ADAMTSL1: variants seen among roughly 807,000 people sequenced by gnomAD.
ADAMTSL1 encodes the protein ADAMTS like 1, also known as ADAMTS-like protein 1.
ADAMTSL1 carries 126 observed loss-of-function variants against 201.8 expected under a neutral mutation model. The ratio of observed to expected loss-of-function variants is 0.62; its 90% CI spans 0.54 to 0.72. ADAMTSL1 has a LOEUF of 0.72. ADAMTSL1 is among the 30% of genes least tolerant of loss of function. The probability of loss-of-function intolerance (pLI) is 0.00; values close to 1 mark genes in which losing one functional copy is unlikely to be tolerated. For missense variants in ADAMTSL1, 2,679 were observed against 2,277.8 expected (o/e 1.18, Z -3.59); for synonymous variants, 1,121 against 903.4 (o/e 1.24, Z -4.32).
At chr9:18,217,948 G>C (rs865886600) in intron 2 of ADAMTSL1, among the ~76,000 whole-genome samples, 1 of 151,912 alleles carries the variant, frequency 6.6e-6, no homozygotes, top group Admixed American at 6.6e-5. Flanking sequence ...AATTGCCAAC[G>C]GCTGGAATTT....
chr9:18,239,929 T>C (rs916314499), intron 2 of ADAMTSL1, among the ~76,000 whole-genome samples: 15 of 152,200 alleles, frequency 9.9e-5, no homozygotes, highest in African/African-American at 3.1e-4. Context: ...TCTAGTTCTC[T>C]TACTATTTTT....
intron 1 of ADAMTSL1, among the ~76,000 whole-genome samples, chr9:18,043,487 G>T (rs1294996168): frequency 6.6e-6 from 1 of 152,034 alleles, no homozygotes; most frequent in Non-Finnish European, 1.5e-5. Context: ...TTAGCTTGGT[G>T]CACAAGTTAT....
chr9:18,674,446 A>G (rs893759344), intron 9 of ADAMTSL1, among the ~76,000 whole-genome samples: 2 of 151,862 alleles, frequency 1.3e-5, no homozygotes, highest in Non-Finnish European at 2.9e-5. Context: ...TTCTTCAGAA[A>G]CTATGCAGGC....
chr9:18,711,970 C>A (rs1435894613), intron 14 of ADAMTSL1, among the ~76,000 whole-genome samples: 1 of 151,400 alleles, frequency 6.6e-6, no homozygotes, highest in Non-Finnish European at 1.5e-5. Flanking sequence ...CTGGGAGGCA[C>A]CCCCCAGCAG....
intron 1 of ADAMTSL1, among the ~76,000 whole-genome samples, chr9:17,965,880 G>A (rs1434129343): frequency 1.3e-5 from 2 of 152,118 alleles, no homozygotes; most frequent in Non-Finnish European, 1.5e-5. Flanking sequence ...CAGAAGTAAA[G>A]CCAGGCAGCT....
intron 2 of ADAMTSL1, among the ~76,000 whole-genome samples, chr9:18,411,039 AT>A (rs1818418394): frequency 4.1e-5 from 6 of 147,016 alleles, no homozygotes. Flanking sequence ...TTTTTTTTGT[AT>A]TTTAATAGAA....
chr9:18,880,824 G>T (rs1477650445), intron 23 of ADAMTSL1, among the ~76,000 whole-genome samples: 1 of 152,176 alleles, frequency 6.6e-6, no homozygotes, highest in African/African-American at 2.4e-5. Flanking sequence ...CTCCTAGATA[G>T]CATCTTCTTC....
intron 2 of ADAMTSL1, among the ~76,000 whole-genome samples, chr9:18,229,759 G>A (rs1432306502): frequency 1.3e-5 from 2 of 151,022 alleles, no homozygotes; most frequent in East Asian, 2.0e-4. Flanking sequence ...GCAATGTTGC[G>A]ATCTTGGCTC....
intron 2 of ADAMTSL1, among the ~76,000 whole-genome samples, chr9:18,450,592 A>G (rs1341045337): frequency 6.6e-6 from 1 of 151,514 alleles, no homozygotes; most frequent in Non-Finnish European, 1.5e-5. Context: ...TATATTATGT[A>G]TACATATATA....
At chr9:17,955,998 G>A (rs1254102320) in intron 1 of ADAMTSL1, among the ~76,000 whole-genome samples, 1 of 151,996 alleles carries the variant, frequency 6.6e-6, no homozygotes, top group African/African-American at 2.4e-5. Context: ...AGCTTTCAAA[G>A]CAAAAAATAG....
chr9:18,145,798 A>G (rs1485820320), intron 1 of ADAMTSL1, among the ~76,000 whole-genome samples: 3 of 152,220 alleles, frequency 2.0e-5, no homozygotes, highest in Non-Finnish European at 4.4e-5. Flanking sequence ...GACAGTTACA[A>G]GAATAAAAAG....
intron 19 of ADAMTSL1, among the ~76,000 whole-genome samples, chr9:18,792,046 C>T (rs1822096025): frequency 6.6e-6 from 1 of 151,936 alleles, no homozygotes. Flanking sequence ...CATCCTCTGC[C>T]TGAAATCAGA....
chr9:18,714,242 C>A (rs1235050586), intron 14 of ADAMTSL1, among the ~76,000 whole-genome samples: 1 of 150,698 alleles, frequency 6.6e-6, no homozygotes, highest in East Asian at 1.9e-4. Context: ...CAAGAAATAA[C>A]TAAAATCAGA....
At chr9:18,161,286 T>G (rs1196445173) in intron 1 of ADAMTSL1, among the ~76,000 whole-genome samples, 1 of 152,096 alleles carries the variant, frequency 6.6e-6, no homozygotes, top group Admixed American at 6.6e-5. Context: ...CATTTTTGTC[T>G]ATTTAATTGG....
chr9:17,907,224 A>G (rs1825752213), intron 1 of ADAMTSL1, among the ~76,000 whole-genome samples: 1 of 152,096 alleles, frequency 6.6e-6, no homozygotes, highest in South Asian at 2.1e-4. Flanking sequence ...GCGGCGCCTG[A>G]GCTGGGGAGC....
At chr9:17,932,964 T>C (rs549129479) in intron 1 of ADAMTSL1, among the ~76,000 whole-genome samples, 11 of 152,294 alleles carry the variant, frequency 7.2e-5, no homozygotes, top group South Asian at 2.1e-4. Flanking sequence ...CCATCACTTA[T>C]GTCAGATCAA....
At chr9:18,424,349 A>G (rs924057968) in intron 2 of ADAMTSL1, among the ~76,000 whole-genome samples, 2 of 152,164 alleles carry the variant, frequency 1.3e-5, no homozygotes, top group African/African-American at 4.8e-5. Flanking sequence ...TTTAGACCAA[A>G]TACTGTGCTA....
At chr9:17,914,264 A>T (rs1166647553) in intron 1 of ADAMTSL1, among the ~76,000 whole-genome samples, 2 of 152,150 alleles carry the variant, frequency 1.3e-5, no homozygotes, top group Non-Finnish European at 2.9e-5. Context: ...TTGATGCAAA[A>T]ATCCTCAATA....
At chr9:18,410,744 G>C (rs1011883051) in intron 2 of ADAMTSL1, among the ~76,000 whole-genome samples, 6 of 151,984 alleles carry the variant, frequency 3.9e-5, no homozygotes, top group Non-Finnish European at 8.8e-5. Flanking sequence ...CCCAGTAATG[G>C]GATTGCTGGG....
Sources: allele counts gnomAD v4.1 joint callset (sites outside exome capture counted in the v4.1 genomes callset), GRCh38; gene constraint gnomAD v4.1.1; transcripts MANE v1.5; gene names NCBI Gene and HGNC (gene_info 2026-07-23, HGNC 2026-07-21).